Variants in SLC36A2 observed in about 807,000 individuals in gnomAD.
SLC36A2 encodes solute carrier family 36 member 2, also known as proton-coupled amino acid transporter 2.
A neutral mutation model predicts 42.7 loss-of-function variants in SLC36A2; 39 were observed. That is an observed-to-expected ratio of 0.91 (90% CI 0.71 to 1.19). SLC36A2 has a LOEUF of 1.19. Ranked by LOEUF, SLC36A2 falls within the 50% of genes most tolerant of loss-of-function variation. The pLI, the probability that SLC36A2 is intolerant of heterozygous loss-of-function variation, is 0.00. For synonymous variants in SLC36A2, 237 were observed against 240.8 expected (o/e 0.98, Z 0.15); for missense variants, 590 against 613.7 (o/e 0.96, Z 0.41).
intron 1 of SLC36A2, among the ~76,000 whole-genome samples, 183 bp from the exon 2 acceptor site, chr5:151,344,450 T>TG (rs1756438128): frequency 6.6e-6 from 1 of 152,220 alleles, no homozygotes; most frequent in African/African-American, 2.4e-5. Context: ...TGCCCAGAAC[T>TG]GTCCTGGTTT....
chr5:151,341,195 C>T (rs59214368), intron 4 of SLC36A2, among the ~76,000 whole-genome samples: 12,182 of 152,120 alleles, frequency 0.08, 807 homozygotes, highest in African/African-American at 0.19. Flanking sequence ...CTAAATGGAG[C>T]AGGGAAATCT....
At chr5:151,340,031 T>G (rs1756275506) in intron 4 of SLC36A2, among the ~76,000 whole-genome samples, 1 of 147,472 alleles carries the variant, frequency 6.8e-6, no homozygotes, top group African/African-American at 2.5e-5. Context: ...AGAAAGAGAG[T>G]TGTGGGGAGG....
rs1319471938 is a variant in SLC36A2, at chr5:151,321,341, C to CTT, written c.1180+703_1180+704dup. On this transcript the variant is annotated intron_variant, in intron 9 of 9. Transcript: ENST00000335244. ...CACCCATGCCTGGCTATTTTCTTTT[C>CTT]TTTCTTTTTTTTTTTTTTTTTAATA... 1.3e-4 allele frequency among the ~76,000 whole-genome samples: 12 copies of CTT among 94,598 alleles called. 2 individuals are homozygous for CTT. The East Asian group carries it at 1.7e-3, about 14-fold the overall frequency. 62.1% of individuals were successfully genotyped at this position (94,598 alleles called of 152,430 possible). A position where few individuals can be genotyped will look rare whatever the true frequency, so the allele number is the denominator to read the frequency against.
intron 1 of SLC36A2, 35 bp downstream of exon 1, chr5:151,347,262 A>C: frequency 6.2e-7 from 1 of 1,613,694 alleles, no homozygotes; most frequent in South Asian, 1.1e-5. Context: ...TCAGGCTAGA[A>C]AGCAGAAATA....
chr5:151,320,062 A>T (rs985886764), intron 9 of SLC36A2, among the ~76,000 whole-genome samples: 1 of 152,192 alleles, frequency 6.6e-6, no homozygotes, highest in Non-Finnish European at 1.5e-5. Flanking sequence ...GTATCAGTGT[A>T]TCAATGTTGA....
intron 2 of SLC36A2, 71 bp downstream of exon 2, chr5:151,344,106 C>T (rs1446600518): frequency 1.1e-5 from 16 of 1,431,474 alleles, no homozygotes; most frequent in Middle Eastern, 4.0e-4. Flanking sequence ...GTTGCTAAAC[C>T]GCTAGAGCCT....
intron 5 of SLC36A2, 133 bp downstream of exon 5, chr5:151,338,927 G>T (rs756807248): frequency 7.0e-6 from 5 of 717,344 alleles, no homozygotes; most frequent in Admixed American, 1.8e-5. Flanking sequence ...GGGGAGGCAA[G>T]TTTGACAACA....
chr5:151,343,644 C>A, intron 2 of SLC36A2, 46 bp from the exon 3 acceptor site: 1 of 1,540,906 alleles, frequency 6.5e-7, no homozygotes, highest in African/African-American at 1.4e-5. Flanking sequence ...GAAGAGAATG[C>A]ATTTATGAAG....
chr5:151,339,695 C>T (rs7714602), intron 4 of SLC36A2, among the ~76,000 whole-genome samples: 30,473 of 152,198 alleles, frequency 0.2, 7,837 homozygotes, highest in African/African-American at 0.6. Flanking sequence ...GGTTATGAGC[C>T]TCTCCCGATA....
rs1396447326 is a variant in SLC36A2, at chr5:151,317,017, G to A, written c.1252C>T (p.Leu418=). 9 of 1,614,024 alleles carry A rather than the reference G, an allele frequency of 5.6e-6. No homozygotes were observed. The highest frequency in any genetic ancestry group is 7.6e-6 in the Non-Finnish European group (9 of 1,180,034). Reference sequence around the variant, plus strand: ...AGGAGCGGTGGGATGATGAGGGCCAGGGCGGTGCCACTCACGGAGCCCACC... The same window carrying A: ...AGGAGCGGTGGGATGATGAGGGCCAAGGCGGTGCCACTCACGGAGCCCACC... ...SLVGSVSGTA[L]ALIIPPLLEV... The change falls in exon 10 of 10, where the codon CTG becomes TTG. Residue 418 remains leucine (L), a synonymous_variant. Transcript: ENST00000335244.
intron 9 of SLC36A2, 158 bp downstream of exon 9, chr5:151,321,888 G>C (rs1025881412): frequency 7.1e-6 from 6 of 844,206 alleles, no homozygotes; most frequent in African/African-American, 1.7e-5. Flanking sequence ...ATTTTGGCCA[G>C]GCTTGTCTGA....
chr5:151,330,021 G>T (rs193246482), intron 7 of SLC36A2, among the ~76,000 whole-genome samples: 5 of 152,146 alleles, frequency 3.3e-5, no homozygotes, highest in Non-Finnish European at 5.9e-5. Context: ...GTGTGTTTAG[G>T]GGGGTGGGGG....
chr5:151,321,343 TTC>T (rs200341600), intron 9 of SLC36A2, among the ~76,000 whole-genome samples: 10,290 of 101,612 alleles, frequency 0.1, 1,401 homozygotes, highest in African/African-American at 0.3. Context: ...TTTCTTTTCT[TTC>T]TTTTTTTTTT....
intron 5 of SLC36A2, among the ~76,000 whole-genome samples, chr5:151,336,459 CTTTTTT>C (rs769643262): frequency 1.1e-4 from 13 of 113,200 alleles, no homozygotes; most frequent in African/African-American, 3.2e-4. Flanking sequence ...TTCCCTCAAT[CTTTTTT>C]TTTTTTTTTT....
chr5:151,333,609 A>G (rs1411148310), intron 6 of SLC36A2, among the ~76,000 whole-genome samples: 1 of 152,182 alleles, frequency 6.6e-6, no homozygotes, highest in Non-Finnish European at 1.5e-5. Flanking sequence ...TTAACCTGTA[A>G]TCCCAGCACT....
chr5:151,319,114 T>A, intron 9 of SLC36A2: 2 of 965,810 alleles, frequency 2.1e-6, no homozygotes, highest in Non-Finnish European at 1.2e-6. Context: ...TGTGATTCAT[T>A]CTGCATAGGA....
Position 151,344,559 on chromosome 5 carries a change from G to C in SLC36A2, c.165-292C>G, listed in dbSNP as rs113601427. Among the ~76,000 whole-genome samples the C allele has an allele frequency of 8.5e-3, 1,290 of 152,320 alleles. 11 individuals are homozygous for C. The highest frequency in any genetic ancestry group is 0.029 in the African/African-American group (1,192 of 41,560). Reference sequence around the variant, plus strand: ...TATCTCATTTAATCTTCTAGTCAAGGCTCTGACAAAGATACGATTATCATC... The same window carrying C: ...TATCTCATTTAATCTTCTAGTCAAGCCTCTGACAAAGATACGATTATCATC... On this transcript the variant is annotated intron_variant, in intron 1 of 9. Transcript: ENST00000335244.
At chr5:151,339,965 A>G (rs1340854599) in intron 4 of SLC36A2, among the ~76,000 whole-genome samples, 1 of 152,170 alleles carries the variant, frequency 6.6e-6, no homozygotes, top group Non-Finnish European at 1.5e-5. Flanking sequence ...TTATGGGCAG[A>G]CAGAAAGCCT....
chr5:151,333,343 A>G (rs1166480451), intron 6 of SLC36A2, 21 bp from the exon 7 acceptor site: 2 of 1,596,820 alleles, frequency 1.3e-6, no homozygotes, highest in East Asian at 2.2e-5. Flanking sequence ...AAGAAATGCT[A>G]TGAGACAGTC....
Sources: gnomAD v4.1 joint callset for allele counts (sites outside exome capture counted in the v4.1 genomes callset) on GRCh38, gnomAD v4.1.1 for gene constraint, MANE v1.5 for transcripts, NCBI Gene and HGNC (gene_info 2026-07-23, HGNC 2026-07-21) for gene names.